CP: variants seen among roughly 807,000 people sequenced by gnomAD.
CP encodes caeruloplasmin.
CP carries 64 observed loss-of-function variants against 122.4 expected under a neutral mutation model. The ratio of observed to expected loss-of-function variants is 0.52; its 90% CI spans 0.43 to 0.64. The LOEUF is 0.64. Ranked by LOEUF, CP falls within the 30% of genes least tolerant of loss-of-function variation. The pLI is 0.00. For synonymous variants in CP, 440 were observed against 436.4 expected (o/e 1.01, Z -0.10); for missense variants, 1,167 against 1,284.4 (o/e 0.91, Z 1.40).
chr3:149,211,489 C>T (rs1728094497), intron 2 of CP, among the ~76,000 whole-genome samples: 1 of 152,138 alleles, frequency 6.6e-6, no homozygotes, highest in South Asian at 2.1e-4. Context: ...CCTTTTTTAC[C>T]ATCATTGTTA....
intron 1 of CP, among the ~76,000 whole-genome samples, chr3:149,219,897 C>T (rs897453195): frequency 6.6e-6 from 1 of 151,922 alleles, no homozygotes; most frequent in Non-Finnish European, 1.5e-5. Flanking sequence ...GTAAGACATG[C>T]CTTTGCTCCT....
At chr3:149,179,971 C>T in intron 14 of CP, 1 of 332,866 alleles carries the variant, frequency 3.0e-6, no homozygotes, top group Non-Finnish European at 5.7e-6. Context: ...ACTTTGCAAC[C>T]AATCTCTTCT....
downstream of CP, among the ~76,000 whole-genome samples, chr3:149,169,474 T>C (rs1389041327): frequency 6.6e-6 from 1 of 152,242 alleles, no homozygotes; most frequent in Non-Finnish European, 1.5e-5. Flanking sequence ...GGGACTTACA[T>C]GCTTAGGAGT....
chr3:149,181,879 A>C, intron 14 of CP, 126 bp downstream of exon 14: 5 of 1,001,124 alleles, frequency 5.0e-6, no homozygotes, highest in African/African-American at 1.6e-5. Context: ...ACCTCCTTGC[A>C]TCCCCTCTTC....
Position 149,185,333 on chromosome 3 carries a change from C to G in CP, c.2191G>C (p.Glu731Gln). Residue 731 changes from glutamate (E) to glutamine (Q), a missense_variant, in exon 12 of 19, where the codon GAG (glutamate) becomes CAG (glutamine). Around this residue, in one of 2 missense-constraint regions of CP, gnomAD observed 525 missense variants for 657.2 expected, o/e 0.80. Coordinates refer to ENST00000264613, the MANE Select transcript of CP (RefSeq NM_000096.4). ...ACTGCTGCGATATAGTATGTCCTCT[C>G]TCCCAGGTAGAAGGTGGAATCCTCA... ...QSEDSTFYLG[E>Q]RTYYIAAVEV... 3.1e-6 allele frequency: 5 copies of G among 1,614,134 alleles called. No individual in the cohort carries two copies. The highest frequency in any genetic ancestry group is 4.2e-6 in the Non-Finnish European group (5 of 1,179,998).
At chr3:149,199,984 G>C (rs1264493611) in intron 7 of CP, 120 bp from the exon 8 acceptor site, 1 of 1,041,670 alleles carries the variant, frequency 9.6e-7, no homozygotes, top group African/African-American at 1.6e-5. Context: ...ACGCTTATTT[G>C]TGGTGAATGG....
At chr3:149,207,336 T>A (rs1727805243) in intron 5 of CP, 27 bp downstream of exon 5, 2 of 1,613,616 alleles carry the variant, frequency 1.2e-6, no homozygotes, top group East Asian at 2.2e-5. Flanking sequence ...TTCAGCTGAC[T>A]GCTAATTTCA....
At position 149,206,291 on chromosome 3, in the gene CP, G is replaced by A; in HGVS notation, c.1085C>T (p.Ser362Leu). 6.2e-7 allele frequency: 1 copy of A among 1,613,952 alleles called. No individual in the cohort carries two copies. The highest frequency in any genetic ancestry group is 8.5e-7 in the Non-Finnish European group (1 of 1,179,880). The change falls in exon 6 of 19, where the codon TCA (serine) becomes TTA (leucine). Residue 362 changes from serine (S) to leucine (L), a missense_variant. By Grantham distance (145) the Ser-to-Leu change is moderately radical. Coordinates refer to ENST00000264613, the MANE Select transcript of CP (RefSeq NM_000096.4). ...ATGCTTCCCACGGATATTATCCTTT[G>A]ATGAAGACTTGTTACACTCCTGGAC... is the stretch of plus-strand genomic sequence containing the variant. Reference protein sequence around the residue: ...FQVQECNKSSSKDNIRGKHVR... With the variant: ...FQVQECNKSSLKDNIRGKHVR...
At chr3:149,218,831 C>T (rs937932542) in intron 1 of CP, among the ~76,000 whole-genome samples, 1 of 152,158 alleles carries the variant, frequency 6.6e-6, no homozygotes, top group Non-Finnish European at 1.5e-5. Flanking sequence ...TTTTCCTGTT[C>T]ATCATCCCAG....
At chr3:149,188,620 A>G (rs1726347693) in intron 9 of CP, among the ~76,000 whole-genome samples, 1 of 152,106 alleles carries the variant, frequency 6.6e-6, no homozygotes. Flanking sequence ...GGATGGAAGC[A>G]GATTTGAGGA....
At chr3:149,167,002 C>T (rs1328471090) in intron 4 of CP, 2 of 1,539,392 alleles carry the variant, frequency 1.3e-6, no homozygotes, top group Non-Finnish European at 1.8e-6. Flanking sequence ...TGAGGTGCCT[C>T]ATTTCATAAC....
chr3:149,165,539 C>G (rs970566064), intron 5 of CP, among the ~76,000 whole-genome samples: 1 of 151,762 alleles, frequency 6.6e-6, no homozygotes, highest in Admixed American at 6.6e-5. Context: ...AGTGCAGTGG[C>G]AGTCATGGCT....
intron 11 of CP, among the ~76,000 whole-genome samples, chr3:149,185,883 C>T (rs925747307): frequency 1.3e-5 from 2 of 152,260 alleles, no homozygotes; most frequent in Admixed American, 6.5e-5. Flanking sequence ...CATGAGACAT[C>T]TTATCTCTTT....
At chr3:149,172,353 C>CACAT, downstream of CP, 1 of 691,490 alleles carries the variant, frequency 1.4e-6, no homozygotes, top group South Asian at 1.7e-5. Context: ...CACACACACA[C>CACAT]ACATATATGA....
intron 6 of CP, among the ~76,000 whole-genome samples, chr3:149,204,146 A>T (rs192626722): frequency 7.9e-5 from 12 of 152,302 alleles, no homozygotes; most frequent in Admixed American, 3.9e-4. Flanking sequence ...GCTTAGATAG[A>T]TGGGAGATAA....
At chr3:149,188,993 A>G (rs1420038790) in intron 9 of CP, among the ~76,000 whole-genome samples, 1 of 152,222 alleles carries the variant, frequency 6.6e-6, no homozygotes, top group Non-Finnish European at 1.5e-5. Flanking sequence ...CAGAGAACTG[A>G]AACTATGATG....
At chr3:149,214,728 A>C (rs955884780) in intron 1 of CP, among the ~76,000 whole-genome samples, 1 of 152,210 alleles carries the variant, frequency 6.6e-6, no homozygotes, top group Non-Finnish European at 1.5e-5. Flanking sequence ...GGAAAAGGGC[A>C]AGACACTGGG....
intron 1 of CP, among the ~76,000 whole-genome samples, chr3:149,215,620 TA>T (rs984907975): frequency 6.6e-6 from 1 of 152,206 alleles, no homozygotes; most frequent in Non-Finnish European, 1.5e-5. Context: ...TGTCTCCAAA[TA>T]AACATTAAAA....
chr3:149,181,879 A>G (rs1725803144), intron 14 of CP, 126 bp downstream of exon 14: 1 of 1,001,134 alleles, frequency 1.0e-6, no homozygotes, highest in Non-Finnish European at 1.6e-6. Context: ...ACCTCCTTGC[A>G]TCCCCTCTTC....
Sources: allele counts gnomAD v4.1 joint callset (sites outside exome capture counted in the v4.1 genomes callset), GRCh38; gene constraint gnomAD v4.1.1; regional missense constraint gnomAD v4.1.1; transcripts MANE v1.5; gene names NCBI Gene and HGNC (gene_info 2026-07-23, HGNC 2026-07-21).